KALRN: variants seen among roughly 807,000 people sequenced by gnomAD.
KALRN encodes the protein kalirin RhoGEF kinase, also known as kalirin.
In KALRN, 70 loss-of-function variants were observed where a neutral mutation model predicts 353.7. That is an observed-to-expected ratio of 0.20 (90% CI 0.16 to 0.24). The LOEUF is 0.24. Ranked by LOEUF, KALRN falls within the 10% of genes least tolerant of loss-of-function variation. The pLI is 1.00. For missense variants in KALRN, 2,791 were observed against 3,756.7 expected, an observed-to-expected ratio of 0.74 and a Z score of 6.72; for synonymous variants, 1,391 against 1,434.8, an observed-to-expected ratio of 0.97 and a Z score of 0.69.
chr3:124,148,680 A>T (rs892955914), intron 1 of KALRN, among the ~76,000 whole-genome samples: 3 of 152,208 alleles, frequency 2.0e-5, no homozygotes, highest in African/African-American at 7.2e-5. Flanking sequence ...ATTCCAGGAA[A>T]TGAAGCATGC....
intron 5 of KALRN, among the ~76,000 whole-genome samples, chr3:124,288,529 G>A (rs562433326): frequency 6.6e-6 from 1 of 152,206 alleles, no homozygotes; most frequent in African/African-American, 2.4e-5. Flanking sequence ...GACCAGTCTG[G>A]GGTTGAGAGA....
chr3:124,281,070 A>G (rs1383216868), intron 5 of KALRN, among the ~76,000 whole-genome samples: 1 of 152,154 alleles, frequency 6.6e-6, no homozygotes, highest in Non-Finnish European at 1.5e-5. Flanking sequence ...AAAAAAAGAA[A>G]AAAAACACGC....
At chr3:124,133,128 G>A (rs899142588) in intron 1 of KALRN, 6 of 152,144 alleles carry the variant, frequency 3.9e-5, no homozygotes, top group African/African-American at 1.4e-4. Flanking sequence ...ATGGTGCGGG[G>A]TTACTTTTTA....
chr3:124,323,997 G>C (rs532895501), intron 6 of KALRN, among the ~76,000 whole-genome samples: 1 of 152,288 alleles, frequency 6.6e-6, no homozygotes, highest in African/African-American at 2.4e-5. Flanking sequence ...GGAAATGCCA[G>C]GAACTTACCC....
At chr3:124,454,875 A>G (rs1289203756) in intron 21 of KALRN, among the ~76,000 whole-genome samples, 1 of 152,202 alleles carries the variant, frequency 6.6e-6, no homozygotes, top group African/African-American at 2.4e-5. Flanking sequence ...CATGTTATAT[A>G]AGGAACTTGC....
At position 124,721,853 on chromosome 3, in the gene KALRN, G is replaced by A. The variant is rs2063359825; in HGVS notation, c.*2383G>A. ...GGCACTCGTAATCCCAGCGACTTGGGAGGCTGAGGCAGGAGAATCGCTTGA... is the reference window on the plus strand; with the variant it reads ...GGCACTCGTAATCCCAGCGACTTGGAAGGCTGAGGCAGGAGAATCGCTTGA... On this transcript the variant is annotated 3_prime_UTR_variant, in exon 60 of 60. Transcript: ENST00000682506. 6.6e-6 allele frequency: 1 copy of A among 152,286 alleles called. No individual in the cohort carries two copies. The highest frequency in any genetic ancestry group is 2.4e-5 in the African/African-American group (1 of 41,434). The allele number at this position is 152,286 out of a possible 1,614,324, so 9.4% of individuals were successfully genotyped here. A position where few individuals can be genotyped will look rare whatever the true frequency, so the allele number is the denominator to read the frequency against.
chr3:124,341,312 G>A (rs536765966), intron 9 of KALRN, among the ~76,000 whole-genome samples: 2 of 152,342 alleles, frequency 1.3e-5, no homozygotes, highest in Admixed American at 6.5e-5. Flanking sequence ...TATCCCTAGT[G>A]ATGACATTCC....
intron 1 of KALRN, among the ~76,000 whole-genome samples, chr3:124,224,434 T>C (rs527884443): frequency 5.3e-5 from 8 of 152,062 alleles, no homozygotes; most frequent in Admixed American, 3.3e-4. Flanking sequence ...TACAAGTTTG[T>C]GTTGGGCTGC....
chr3:124,674,278 C>T, intron 48 of KALRN, 86 bp from the exon 49 acceptor site: 1 of 1,435,096 alleles, frequency 7.0e-7, no homozygotes. Context: ...GAGATTTGGC[C>T]TTGAACCACT....
intron 1 of KALRN, among the ~76,000 whole-genome samples, chr3:124,101,113 C>T (rs1016898709): frequency 2.6e-5 from 4 of 152,224 alleles, no homozygotes; most frequent in African/African-American, 7.2e-5. Context: ...ATGCAACTGT[C>T]TTTACAAACT....
chr3:124,666,966 T>A (rs769332477), intron 46 of KALRN, 46 bp from the exon 47 acceptor site: 2 of 1,553,664 alleles, frequency 1.3e-6, no homozygotes, highest in Admixed American at 1.9e-5. Flanking sequence ...TGCTGATTTT[T>A]AAAAAATCTT....
At chr3:124,199,365 G>T (rs1222146042) in intron 1 of KALRN, among the ~76,000 whole-genome samples, 1 of 152,154 alleles carries the variant, frequency 6.6e-6, no homozygotes, top group Admixed American at 6.5e-5. Context: ...TTGGACTCTT[G>T]CATCCTAAAG....
intron 33 of KALRN, among the ~76,000 whole-genome samples, chr3:124,556,840 C>G (rs151058966): frequency 1.5e-4 from 23 of 152,310 alleles, no homozygotes; most frequent in Middle Eastern, 3.4e-3. Context: ...CCAGTGTTAA[C>G]ATTTCAACGA....
intron 6 of KALRN, among the ~76,000 whole-genome samples, chr3:124,316,377 A>G (rs966096216): frequency 6.6e-6 from 1 of 152,040 alleles, no homozygotes; most frequent in African/African-American, 2.4e-5. Flanking sequence ...AAATACCTTC[A>G]TGTCTTCCTT....
intron 18 of KALRN, among the ~76,000 whole-genome samples, chr3:124,441,606 C>T (rs1355903860): frequency 1.3e-5 from 2 of 152,122 alleles, no homozygotes; most frequent in African/African-American, 4.8e-5. Flanking sequence ...GGGCAGATTG[C>T]TTGAGCCCAG....
At chr3:124,242,038 TG>T (rs1016403140) in intron 3 of KALRN, among the ~76,000 whole-genome samples, 1 of 152,066 alleles carries the variant, frequency 6.6e-6, no homozygotes, top group African/African-American at 2.4e-5. Flanking sequence ...TAGAATTCTG[TG>T]GGTCTAGTTC....
intron 36 of KALRN, among the ~76,000 whole-genome samples, chr3:124,636,746 G>C (rs1383238597): frequency 6.6e-6 from 1 of 152,230 alleles, no homozygotes; most frequent in Non-Finnish European, 1.5e-5. Flanking sequence ...ATCTAAGGCT[G>C]TAGTAAAGCA....
intron 16 of KALRN, among the ~76,000 whole-genome samples, chr3:124,433,594 T>C (rs2150488794): frequency 9.8e-6 from 1 of 101,630 alleles, no homozygotes; most frequent in South Asian, 3.6e-4. Flanking sequence ...CAAGACCCTG[T>C]CTAAAAAAAA....
At position 124,264,768 on chromosome 3, in the gene KALRN, C is replaced by G. The variant is rs1430902258; in HGVS notation, c.456+78C>G. The stretch of plus-strand genomic sequence containing the variant: ...CCACACATTTCTCACGTCCTCTTCT[C>G]TATCTACCATACAGTATGTGACACC... On this transcript the variant is annotated intron_variant, in intron 4 of 59. Coordinates refer to ENST00000682506, the MANE Select transcript of KALRN (RefSeq NM_001388419.1). 4 of 1,256,698 alleles carry G rather than the reference C, an allele frequency of 3.2e-6. No individual in the cohort carries two copies. In the African/African-American group the frequency reaches 5.9e-5, roughly 18 times the overall value. 77.8% of individuals were successfully genotyped at this position (1,256,698 alleles called of 1,614,324 possible). A position where few individuals can be genotyped will look rare whatever the true frequency, so the allele number is the denominator to read the frequency against.
Sources: allele counts gnomAD v4.1 joint callset (sites outside exome capture counted in the v4.1 genomes callset), GRCh38; gene constraint gnomAD v4.1.1; transcripts MANE v1.5; gene names NCBI Gene and HGNC (gene_info 2026-07-23, HGNC 2026-07-21).